ASXL3: variants seen among roughly 807,000 people sequenced by gnomAD.
The protein encoded by ASXL3 is ASXL transcriptional regulator 3.
ASXL3 carries 34 observed loss-of-function variants against 170.6 expected under a neutral mutation model. The ratio of observed to expected loss-of-function variants is 0.20; its 90% CI spans 0.15 to 0.27. The LOEUF (loss-of-function observed/expected upper bound fraction) is 0.27, where lower values mean the gene tolerates loss of function less well. Ranked by LOEUF, ASXL3 falls within the 10% of genes least tolerant of loss-of-function variation. The pLI, the probability that ASXL3 is intolerant of heterozygous loss-of-function variation, is 1.00. For synonymous variants in ASXL3, 1,002 were observed against 989.1 expected, an observed-to-expected ratio of 1.01 and a Z score of -0.24; for missense variants, 2,592 against 2,695.3, an observed-to-expected ratio of 0.96 and a Z score of 0.85.
chr18:33,631,393 A>T (rs1158062821), intron 2 of ASXL3, among the ~76,000 whole-genome samples: 6 of 152,124 alleles, frequency 3.9e-5, no homozygotes, highest in Non-Finnish European at 8.8e-5. Context: ...CAGTCTTTGC[A>T]TCTCATTCTT....
chr18:33,582,698 GT>G (rs1568262049), intron 1 of ASXL3, among the ~76,000 whole-genome samples: 2 of 141,144 alleles, frequency 1.4e-5, no homozygotes, highest in Non-Finnish European at 3.1e-5. Context: ...TTGTTGGTTG[GT>G]TTTTTTCTGT....
At chr18:33,590,230 C>G (rs989927732) in intron 1 of ASXL3, among the ~76,000 whole-genome samples, 5 of 151,354 alleles carry the variant, frequency 3.3e-5, no homozygotes, top group Non-Finnish European at 7.4e-5. Context: ...GTTGTCCAAC[C>G]TTAGCCACGA....
At chr18:33,707,406 A>C (rs544269243) in intron 8 of ASXL3, among the ~76,000 whole-genome samples, 25 of 152,070 alleles carry the variant, frequency 1.6e-4, no homozygotes, top group African/African-American at 6.0e-4. Context: ...AATATTTCAT[A>C]GTTCCCTTAG....
At chr18:33,609,814 G>T (rs1440899370) in intron 2 of ASXL3, among the ~76,000 whole-genome samples, 1 of 152,022 alleles carries the variant, frequency 6.6e-6, no homozygotes, top group Non-Finnish European at 1.5e-5. Flanking sequence ...GAAAGGCAAA[G>T]AAAGAGAACA....
chr18:33,677,383 A>G (rs1311680726), intron 7 of ASXL3, among the ~76,000 whole-genome samples: 2 of 152,186 alleles, frequency 1.3e-5, no homozygotes, highest in Non-Finnish European at 2.9e-5. Context: ...AACCTGTATT[A>G]TACCATTTTA....
At chr18:33,644,832 A>G in intron 2 of ASXL3, 62 bp from the exon 3 acceptor site, 1 of 1,018,916 alleles carries the variant, frequency 9.8e-7, no homozygotes, top group Non-Finnish European at 1.4e-6. Flanking sequence ...GACTCAGAGA[A>G]CAGTTTTGCA....
intron 7 of ASXL3, among the ~76,000 whole-genome samples, chr18:33,678,071 GTATT>G (rs1183667630): frequency 1.4e-5 from 2 of 144,920 alleles, no homozygotes; most frequent in Non-Finnish European, 3.0e-5. Flanking sequence ...TATTATTTAT[GTATT>G]TATTATTTAT....
intron 8 of ASXL3, among the ~76,000 whole-genome samples, chr18:33,730,976 C>T (rs534416061): frequency 6.6e-6 from 1 of 152,256 alleles, no homozygotes; most frequent in South Asian, 2.1e-4. Flanking sequence ...ATAAATGTCA[C>T]AGCGTCAACA....
At chr18:33,603,816 A>C (rs1245462038) in intron 1 of ASXL3, among the ~76,000 whole-genome samples, 1 of 152,106 alleles carries the variant, frequency 6.6e-6, no homozygotes, top group African/African-American at 2.4e-5. Context: ...AAGATCACAA[A>C]TATAGTTTTA....
intron 8 of ASXL3, among the ~76,000 whole-genome samples, chr18:33,719,160 A>G (rs1187609231): frequency 6.6e-6 from 1 of 152,088 alleles, no homozygotes; most frequent in East Asian, 1.9e-4. Flanking sequence ...GATGCCACAC[A>G]GTCCTTCAGC....
chr18:33,741,411 A>G (rs964807264), intron 11 of ASXL3, among the ~76,000 whole-genome samples: 1 of 152,206 alleles, frequency 6.6e-6, no homozygotes, highest in Non-Finnish European at 1.5e-5. Context: ...TATTGAGCAT[A>G]TTAATTAATA....
chr18:33,737,996 G>C (rs1323786565), intron 10 of ASXL3, among the ~76,000 whole-genome samples: 2 of 151,870 alleles, frequency 1.3e-5, no homozygotes, highest in Non-Finnish European at 2.9e-5. Flanking sequence ...ATACTTTGTT[G>C]TATGTAATTT....
intron 2 of ASXL3, among the ~76,000 whole-genome samples, chr18:33,630,947 A>T (rs963195679): frequency 2.0e-5 from 3 of 152,054 alleles, no homozygotes; most frequent in African/African-American, 7.2e-5. Context: ...TCAAAAATGT[A>T]AATATGAAAA....
chr18:33,648,148 A>C (rs1309033365), intron 4 of ASXL3, among the ~76,000 whole-genome samples: 1 of 152,134 alleles, frequency 6.6e-6, no homozygotes, highest in East Asian at 1.9e-4. Context: ...GCCATTGTAG[A>C]GTTTTGAGCT....
At chr18:33,708,557 T>A (rs575432138) in intron 8 of ASXL3, among the ~76,000 whole-genome samples, 8 of 152,288 alleles carry the variant, frequency 5.3e-5, no homozygotes, top group Non-Finnish European at 1.0e-4. Context: ...ATCTTCTGAT[T>A]TTGTACTGGA....
intron 8 of ASXL3, among the ~76,000 whole-genome samples, chr18:33,695,326 A>T (rs1271864064): frequency 6.6e-6 from 1 of 152,076 alleles, no homozygotes; most frequent in Admixed American, 6.6e-5. Flanking sequence ...TACTTAGAAG[A>T]TCCATTATTT....
chr18:33,687,373 A>G (rs1941693), intron 8 of ASXL3, among the ~76,000 whole-genome samples: 86,214 of 152,036 alleles, frequency 0.57, 25,097 homozygotes, highest in East Asian at 0.9. Context: ...TGGAAATGTG[A>G]ATTTGATTAC....
intron 5 of ASXL3, among the ~76,000 whole-genome samples, chr18:33,664,046 T>G (rs1458251192): frequency 1.3e-5 from 2 of 152,140 alleles, no homozygotes; most frequent in African/African-American, 4.8e-5. Context: ...AGAATGATCT[T>G]AAAAATAATT....
intron 8 of ASXL3, among the ~76,000 whole-genome samples, chr18:33,713,220 C>T (rs917154709): frequency 2.3e-4 from 31 of 136,022 alleles, no homozygotes; most frequent in Admixed American, 2.0e-3. Context: ...AGCAATCTAC[C>T]ACAAGAAGGT....
Sources: gnomAD v4.1 joint callset for allele counts (sites outside exome capture counted in the v4.1 genomes callset) on GRCh38, gnomAD v4.1.1 for gene constraint, MANE v1.5 for transcripts, NCBI Gene and HGNC (gene_info 2026-07-23, HGNC 2026-07-21) for gene names.